The following KALRN variants were observed in gnomAD, a reference collection of about 807,000 sequenced individuals.
KALRN encodes kalirin.
KALRN carries 70 observed loss-of-function variants against 353.7 expected under a neutral mutation model. That is an observed-to-expected ratio of 0.20 (90% confidence interval 0.16 to 0.24). The LOEUF (loss-of-function observed/expected upper bound fraction) is 0.24, where lower values mean the gene tolerates loss of function less well. KALRN is among the 10% of genes least tolerant of loss of function. The pLI is 1.00. For synonymous variants in KALRN, 1,391 were observed against 1,434.8 expected (o/e 0.97, Z 0.69); for missense variants, 2,791 against 3,756.7 (o/e 0.74, Z 6.72).
intron 34 of KALRN, among the ~76,000 whole-genome samples, chr3:124,568,466 T>TAA (rs1455573070): frequency 6.6e-6 from 1 of 152,084 alleles, no homozygotes; most frequent in Non-Finnish European, 1.5e-5. Flanking sequence ...AAAGTAAAAA[T>TAA]AAGATTATCA....
intron 26 of KALRN, among the ~76,000 whole-genome samples, chr3:124,475,771 A>T (rs1347423465): frequency 6.6e-6 from 1 of 152,192 alleles, no homozygotes; most frequent in Non-Finnish European, 1.5e-5. Flanking sequence ...TTCTCAGATA[A>T]GCTTTTTTTC....
intron 42 of KALRN, 30 bp downstream of exon 42, chr3:124,658,547 G>A: frequency 2.5e-6 from 4 of 1,582,068 alleles, no homozygotes; most frequent in Non-Finnish European, 2.6e-6. Context: ...CTGAACTGGG[G>A]TGGGAGGAAA....
At chr3:124,216,876 A>G (rs762209644) in intron 1 of KALRN, among the ~76,000 whole-genome samples, 4 of 152,200 alleles carry the variant, frequency 2.6e-5, no homozygotes, top group Admixed American at 6.5e-5. Context: ...GTTATTATGG[A>G]TAGGGTCTAG....
At chr3:124,352,873 G>A (rs1408426412) in intron 10 of KALRN, among the ~76,000 whole-genome samples, 1 of 152,134 alleles carries the variant, frequency 6.6e-6, no homozygotes, top group African/African-American at 2.4e-5. Context: ...GTGGGGTAGG[G>A]GGCTGAGGGA....
At chr3:124,406,837 T>TTTC (rs1471556712) in intron 13 of KALRN, among the ~76,000 whole-genome samples, 2 of 149,488 alleles carry the variant, frequency 1.3e-5, no homozygotes, top group East Asian at 3.9e-4. Flanking sequence ...CTTTGCTTTT[T>TTTC]TTTTTTTTTT....
intron 3 of KALRN, among the ~76,000 whole-genome samples, chr3:124,245,030 T>A (rs1252269833): frequency 1.0e-5 from 1 of 95,296 alleles, no homozygotes; most frequent in Non-Finnish European, 2.4e-5. Context: ...TATTTTGAAA[T>A]ATATTATAAA....
At chr3:124,439,125 TTCTCTTTCTC>T (rs948236588) in intron 18 of KALRN, 88 bp downstream of exon 18, 35 of 1,337,136 alleles carry the variant, frequency 2.6e-5, no homozygotes, top group African/African-American at 2.1e-4. Flanking sequence ...TTTTCTTTCT[TTCTCTTTCTC>T]TCTCTTTCTC....
intron 37 of KALRN, among the ~76,000 whole-genome samples, 166 bp from the exon 38 acceptor site, chr3:124,650,642 T>A (rs2083306827): frequency 6.6e-6 from 1 of 152,256 alleles, no homozygotes; most frequent in Non-Finnish European, 1.5e-5. Flanking sequence ...GGCTCCCTGC[T>A]GCAGGAGGAT....
chr3:124,384,228 G>C (rs1192859013), intron 10 of KALRN, among the ~76,000 whole-genome samples: 1 of 152,126 alleles, frequency 6.6e-6, no homozygotes, highest in Non-Finnish European at 1.5e-5. Context: ...AAAATCACCA[G>C]ACTCTTCCCC....
chr3:124,584,998 A>T, intron 34 of KALRN: 1 of 1,436,412 alleles, frequency 7.0e-7, no homozygotes, highest in Non-Finnish European at 9.4e-7. Flanking sequence ...AGGGTTGGGG[A>T]GGCCTCTGGG....
At chr3:124,344,633 A>G (rs890827857) in intron 9 of KALRN, among the ~76,000 whole-genome samples, 19 of 152,194 alleles carry the variant, frequency 1.2e-4, no homozygotes, top group Non-Finnish European at 2.2e-4. Context: ...GATTTGTTAA[A>G]TTGATTTCTG....
rs2289838 is a variant in KALRN at position 124,462,586 on chromosome 3, G to T, written c.3984G>T (p.Glu1328Asp). 68 of 1,612,784 alleles carry T rather than the reference G, an allele frequency of 4.2e-5. 1 individual carries two copies. In the East Asian group the frequency reaches 1.5e-3, roughly 36 times the overall value. The change falls in exon 25 of 60, where the codon GAG becomes GAT. Residue 1328 changes from glutamate (E) to aspartate (D), a missense_variant. Physicochemically the swap from Glu to Asp is conservative, Grantham distance 45. Transcript: ENST00000682506. ...EEIPPGILNK[E>D]HIIFGNIQEI... is the part of the protein sequence containing the mutation. ...TCCCCCCTGGGATCCTCAATAAAGA[G>T]CATATCATCTTTGGCAACATCCAAG...
At chr3:124,052,025 C>G (rs2041090913) in intron 1 of KALRN, among the ~76,000 whole-genome samples, 1 of 152,174 alleles carries the variant, frequency 6.6e-6, no homozygotes, top group Non-Finnish European at 1.5e-5. Context: ...GAATGGATAG[C>G]AGGTGGGGGG....
At chr3:124,377,912 T>C (rs1321109027) in intron 10 of KALRN, among the ~76,000 whole-genome samples, 1 of 152,118 alleles carries the variant, frequency 6.6e-6, no homozygotes, top group Non-Finnish European at 1.5e-5. Context: ...TTTCTGTCCT[T>C]TTACTCTTAC....
intron 1 of KALRN, among the ~76,000 whole-genome samples, chr3:124,087,912 A>T (rs1235672860): frequency 4.6e-5 from 7 of 152,226 alleles, no homozygotes; most frequent in Non-Finnish European, 8.8e-5. Context: ...TCAAAATTCA[A>T]AATGTGTAAG....
At chr3:124,276,862 G>T (rs1477463483) in intron 5 of KALRN, among the ~76,000 whole-genome samples, 1 of 152,222 alleles carries the variant, frequency 6.6e-6, no homozygotes, top group Admixed American at 6.5e-5. Flanking sequence ...CTGAGACTTG[G>T]TGTGCTTGAG....
intron 1 of KALRN, among the ~76,000 whole-genome samples, chr3:124,041,052 G>A (rs910876374): frequency 1.2e-4 from 19 of 152,080 alleles, no homozygotes; most frequent in African/African-American, 3.6e-4. Context: ...CATGTACCAC[G>A]CATGCTATGG....
chr3:124,417,330 T>C (rs1030687568), intron 14 of KALRN, among the ~76,000 whole-genome samples: 11 of 152,248 alleles, frequency 7.2e-5, no homozygotes, highest in Non-Finnish European at 1.0e-4. Context: ...CCTCCAGTTC[T>C]CACTTTCCGT....
intron 14 of KALRN, among the ~76,000 whole-genome samples, chr3:124,419,995 G>C (rs779176879): frequency 6.6e-6 from 1 of 152,130 alleles, no homozygotes; most frequent in Non-Finnish European, 1.5e-5. Context: ...AGTGTGTTTG[G>C]GGGCAGTGGG....
Sources: allele counts gnomAD v4.1 joint callset (sites outside exome capture counted in the v4.1 genomes callset), GRCh38; gene constraint gnomAD v4.1.1; transcripts MANE v1.5; gene names NCBI Gene and HGNC (gene_info 2026-07-23, HGNC 2026-07-21).